The following PATJ variants were observed in gnomAD, a reference collection of about 807,000 sequenced individuals.
PATJ encodes inaD-like protein.
PATJ carries 190 observed loss-of-function variants against 224.9 expected under a neutral mutation model. The observed-to-expected ratio is 0.84, with a 90% CI of 0.75 to 0.95. The LOEUF (loss-of-function observed/expected upper bound fraction) is 0.95, where lower values mean the gene tolerates loss of function less well. Ranked by LOEUF, PATJ falls within the 40% of genes least tolerant of loss-of-function variation. The probability of loss-of-function intolerance (pLI) is 0.00; values close to 1 mark genes in which losing one functional copy is unlikely to be tolerated. For synonymous variants in PATJ, 769 were observed against 820.3 expected, an observed-to-expected ratio of 0.94 and a Z score of 1.07; for missense variants, 2,121 against 2,270.3, an observed-to-expected ratio of 0.93 and a Z score of 1.34.
chr1:62,006,394 G>A (rs1006401403), intron 28 of PATJ, among the ~76,000 whole-genome samples: 2 of 152,242 alleles, frequency 1.3e-5, no homozygotes, highest in Non-Finnish European at 2.9e-5. Context: ...AGGAGTACAG[G>A]CGTGAGCCAC....
rs144594761 is a variant in PATJ at position 61,860,766 on chromosome 1, G to A, written c.2323-785G>A. On this transcript the variant is annotated intron_variant, in intron 18 of 43. Transcript: ENST00000642238. ...CGCTTGAACTGGGGCAGTGGAGGTTGCAGTGAGCCAAGATTACACCACTGC... is the reference window on the plus strand; with the variant it reads ...CGCTTGAACTGGGGCAGTGGAGGTTACAGTGAGCCAAGATTACACCACTGC... Among the ~76,000 whole-genome samples, 982 of 151,836 alleles carry A rather than the reference G, an allele frequency of 6.5e-3. 14 individuals are homozygous for A. The highest frequency in any genetic ancestry group is 0.023 in the African/African-American group (947 of 41,382).
chr1:61,884,073 T>C (rs1186661415), intron 21 of PATJ, among the ~76,000 whole-genome samples, 164 bp from the exon 22 acceptor site: 1 of 152,208 alleles, frequency 6.6e-6, no homozygotes, highest in Non-Finnish European at 1.5e-5. Flanking sequence ...CCATTGTACC[T>C]ATCATCATCT....
chr1:62,036,541 G>T (rs1650417772), intron 29 of PATJ, among the ~76,000 whole-genome samples: 1 of 152,046 alleles, frequency 6.6e-6, no homozygotes, highest in Non-Finnish European at 1.5e-5. Flanking sequence ...TAACAGTTGG[G>T]TACACAGGTC....
intron 28 of PATJ, among the ~76,000 whole-genome samples, chr1:62,010,859 T>C (rs1204446297): frequency 6.6e-6 from 1 of 152,222 alleles, no homozygotes; most frequent in Non-Finnish European, 1.5e-5. Flanking sequence ...CCATCTTCAT[T>C]ATTGAGCTTA....
chr1:61,827,636 G>GC, intron 16 of PATJ, 53 bp downstream of exon 16: 1 of 1,554,018 alleles, frequency 6.4e-7, no homozygotes, highest in Non-Finnish European at 8.8e-7. Context: ...CATCAAAGAT[G>GC]CCCCGAAGAC....
chr1:61,936,540 T>C (rs1676912146), intron 27 of PATJ, among the ~76,000 whole-genome samples: 1 of 152,118 alleles, frequency 6.6e-6, no homozygotes, highest in Admixed American at 6.5e-5. Context: ...CAGAGTATTT[T>C]GGCTATAATA....
At chr1:62,084,981 GC>G (rs563395236) in intron 33 of PATJ, among the ~76,000 whole-genome samples, 19 of 152,264 alleles carry the variant, frequency 1.2e-4, no homozygotes, top group African/African-American at 4.6e-4. Flanking sequence ...GTCTGGGTGG[GC>G]TGAGCACAGT....
intron 27 of PATJ, among the ~76,000 whole-genome samples, chr1:61,970,043 G>A (rs1682735859): frequency 6.6e-6 from 1 of 151,412 alleles, no homozygotes; most frequent in South Asian, 2.1e-4. Context: ...ATTTTGATGT[G>A]TACCATTTGT....
intron 28 of PATJ, among the ~76,000 whole-genome samples, chr1:62,010,416 C>A (rs574219576): frequency 6.6e-6 from 1 of 151,978 alleles, no homozygotes; most frequent in East Asian, 1.9e-4. Context: ...CTTCCTCTCT[C>A]CCAGCTCCCC....
chr1:61,892,236 G>A (rs981956943), intron 22 of PATJ, among the ~76,000 whole-genome samples: 23 of 151,812 alleles, frequency 1.5e-4, no homozygotes, highest in African/African-American at 5.6e-4. Context: ...ATTTAAGGAG[G>A]AAAAAAAATT....
intron 33 of PATJ, among the ~76,000 whole-genome samples, chr1:62,099,347 C>CTTTTTTTTTTTTTTTT (rs71050197): frequency 2.0e-4 from 11 of 55,676 alleles, no homozygotes; most frequent in African/African-American, 7.8e-4. Context: ...ATATCTCCAA[C>CTTTTTTTTTTTTTTTT]TTTTTTTTTT....
chr1:62,138,682 C>T (rs1667195058), intron 41 of PATJ, among the ~76,000 whole-genome samples: 1 of 152,126 alleles, frequency 6.6e-6, no homozygotes, highest in African/African-American at 2.4e-5. Context: ...GCCGGGGCAC[C>T]AGACACATTT....
intron 14 of PATJ, among the ~76,000 whole-genome samples, chr1:61,813,354 TATATATATATATATATATATATATACAC>T (rs1311880741): frequency 8.2e-4 from 36 of 43,650 alleles, no homozygotes; most frequent in African/African-American, 2.1e-3. Context: ...TATATATATA[TATATATATATATATATATATATATACAC>T]ACACACACAC....
At chr1:61,850,115 A>G (rs1405435857) in intron 17 of PATJ, among the ~76,000 whole-genome samples, 1 of 152,042 alleles carries the variant, frequency 6.6e-6, no homozygotes, top group Non-Finnish European at 1.5e-5. Flanking sequence ...TAGGTTTTAG[A>G]GCAATTTCAC....
chr1:61,933,316 G>A (rs11207869), intron 27 of PATJ, among the ~76,000 whole-genome samples: 64,212 of 151,750 alleles, frequency 0.42, 14,708 homozygotes, highest in East Asian at 0.81. Flanking sequence ...TGAGGCAGGC[G>A]AATTACAAGG....
chr1:61,812,509 T>C (rs1263712400), intron 14 of PATJ, among the ~76,000 whole-genome samples: 2 of 148,560 alleles, frequency 1.3e-5, no homozygotes, highest in East Asian at 4.0e-4. Flanking sequence ...GGGGCAGAGG[T>C]ACAGTTCTGT....
chr1:61,791,884 C>T (rs1649944264), intron 9 of PATJ, among the ~76,000 whole-genome samples: 1 of 151,940 alleles, frequency 6.6e-6, no homozygotes, highest in Non-Finnish European at 1.5e-5. Flanking sequence ...ATTTTCTTTT[C>T]ATGTGAAAGA....
At position 61,951,796 on chromosome 1, in the gene PATJ, A is replaced by C. The variant is rs371322579; in HGVS notation, c.3670+23967A>C. Among the ~76,000 whole-genome samples the C allele has an allele frequency of 3.1e-3, 474 of 152,294 alleles. 1 individual carries two copies. The highest frequency in any genetic ancestry group is 0.011 in the African/African-American group (461 of 41,558). ...GTTCACCAGCTTCTTTGTTATAAAC[A>C]TGATTCAATGCTGGGAGCATTAAGG... On this transcript the variant is annotated intron_variant, in intron 27 of 43. Transcript: ENST00000642238.
chr1:62,029,067 T>G (rs1369838954), intron 29 of PATJ, among the ~76,000 whole-genome samples: 1 of 152,226 alleles, frequency 6.6e-6, no homozygotes, highest in Non-Finnish European at 1.5e-5. Flanking sequence ...TTTATGCCAG[T>G]ACCACACTGT....
Sources: allele counts gnomAD v4.1 joint callset (sites outside exome capture counted in the v4.1 genomes callset), GRCh38; gene constraint gnomAD v4.1.1; transcripts MANE v1.5; gene names NCBI Gene and HGNC (gene_info 2026-07-23, HGNC 2026-07-21).